The following MAGI1 variants were observed in gnomAD, a reference collection of about 807,000 sequenced individuals.
MAGI1 encodes membrane associated guanylate kinase, WW and PDZ domain containing 1.
In MAGI1, 58 loss-of-function variants were observed where a neutral mutation model predicts 139.9. The ratio of observed to expected loss-of-function variants is 0.41; its 90% CI spans 0.34 to 0.52. The LOEUF is 0.52. MAGI1 is among the 20% of genes least tolerant of loss of function. The pLI, the probability that MAGI1 is intolerant of heterozygous loss-of-function variation, is 0.12. For synonymous variants in MAGI1, 812 were observed against 737.9 expected (o/e 1.10, Z -1.63); for missense variants, 1,874 against 1,901.6 (o/e 0.99, Z 0.27).
intron 3 of MAGI1, among the ~76,000 whole-genome samples, chr3:65,486,386 C>T (rs79623159): frequency 0.011 from 1,741 of 152,284 alleles, 34 homozygotes; most frequent in African/African-American, 0.039. Context: ...CCCCACCCTC[C>T]ACTGAATAGT....
chr3:65,901,100 A>G (rs2108622028), intron 1 of MAGI1, among the ~76,000 whole-genome samples: 1 of 152,350 alleles, frequency 6.6e-6, no homozygotes, highest in East Asian at 1.9e-4. Context: ...AGATACCCTT[A>G]CAGTAAACAT....
At chr3:65,733,160 G>C (rs193122496) in intron 1 of MAGI1, among the ~76,000 whole-genome samples, 5 of 152,264 alleles carry the variant, frequency 3.3e-5, no homozygotes, top group Admixed American at 6.5e-5. Flanking sequence ...CTGGGTTCAA[G>C]CAATTCTCCT....
At chr3:65,575,109 G>A (rs2081124878) in intron 2 of MAGI1, among the ~76,000 whole-genome samples, 1 of 152,026 alleles carries the variant, frequency 6.6e-6, no homozygotes. Context: ...ACACTGTTAA[G>A]AGGATGAAAA....
chr3:65,863,458 T>C (rs1337380861), intron 1 of MAGI1, among the ~76,000 whole-genome samples: 3 of 152,152 alleles, frequency 2.0e-5, no homozygotes, highest in Non-Finnish European at 4.4e-5. Flanking sequence ...CATAAAGAAA[T>C]AAGGGCACAT....
intron 2 of MAGI1, among the ~76,000 whole-genome samples, chr3:65,600,018 G>A (rs562313606): frequency 1.3e-5 from 2 of 152,142 alleles, no homozygotes; most frequent in Non-Finnish European, 1.5e-5. Flanking sequence ...TAATACATAC[G>A]AGCATTTACA....
chr3:65,451,221 G>A (rs1165999013), intron 6 of MAGI1, among the ~76,000 whole-genome samples: 2 of 152,050 alleles, frequency 1.3e-5, no homozygotes, highest in African/African-American at 4.8e-5. Context: ...CTCAGTAAAA[G>A]CTATTGCAGT....
At chr3:66,001,857 A>G (rs1352149370) in intron 1 of MAGI1, among the ~76,000 whole-genome samples, 6 of 152,346 alleles carry the variant, frequency 3.9e-5, no homozygotes, top group African/African-American at 1.4e-4. Context: ...AAGCCTTTAG[A>G]AAAACACGGA....
chr3:66,007,670 T>C (rs2067097253), intron 1 of MAGI1, among the ~76,000 whole-genome samples: 1 of 152,224 alleles, frequency 6.6e-6, no homozygotes, highest in Non-Finnish European at 1.5e-5. Flanking sequence ...TCAAGGGAAC[T>C]GGTAGCAGTA....
At chr3:65,532,614 A>C (rs1003071285) in intron 2 of MAGI1, 1 of 152,214 alleles carries the variant, frequency 6.6e-6, no homozygotes, top group Admixed American at 6.5e-5. Flanking sequence ...ACAGCAGCCC[A>C]AGCTTGGAGC....
At chr3:65,652,543 C>A (rs778335065) in intron 1 of MAGI1, among the ~76,000 whole-genome samples, 1 of 152,092 alleles carries the variant, frequency 6.6e-6, no homozygotes, top group African/African-American at 2.4e-5. Context: ...TCAAATGTCT[C>A]CTGGAAAATA....
At chr3:65,500,199 C>T (rs752455346) in intron 2 of MAGI1, among the ~76,000 whole-genome samples, 1 of 152,018 alleles carries the variant, frequency 6.6e-6, no homozygotes, top group Non-Finnish European at 1.5e-5. Flanking sequence ...CTATTTTTTC[C>T]ACTTGATTTT....
chr3:65,502,959 A>G (rs185007671), intron 2 of MAGI1, among the ~76,000 whole-genome samples: 1 of 152,284 alleles, frequency 6.6e-6, no homozygotes, highest in Admixed American at 6.5e-5. Flanking sequence ...GTAAAAATCC[A>G]TGATACAGGT....
intron 13 of MAGI1, 67 bp downstream of exon 13, chr3:65,401,372 T>TACCCCCC: frequency 1.3e-6 from 1 of 778,312 alleles, no homozygotes; most frequent in East Asian, 3.3e-5. Flanking sequence ...CAGAGTACCC[T>TACCCCCC]CCCACCTCCA....
chr3:65,609,108 G>A (rs1038500707), intron 2 of MAGI1, among the ~76,000 whole-genome samples: 1 of 152,136 alleles, frequency 6.6e-6, no homozygotes. Flanking sequence ...TCAATAAGAG[G>A]AGACACAAGG....
At chr3:65,994,618 G>A (rs1056249439) in intron 1 of MAGI1, among the ~76,000 whole-genome samples, 3 of 152,186 alleles carry the variant, frequency 2.0e-5, no homozygotes, top group African/African-American at 7.2e-5. Flanking sequence ...ATGTGAACAG[G>A]GAATGCAGTA....
At chr3:65,551,381 G>A (rs1047702387) in intron 2 of MAGI1, among the ~76,000 whole-genome samples, 4 of 152,122 alleles carry the variant, frequency 2.6e-5, no homozygotes, top group African/African-American at 9.7e-5. Flanking sequence ...GCTCACTGTA[G>A]CCTCTGCCTC....
At chr3:65,377,289 T>C (rs1942628894) in intron 17 of MAGI1, among the ~76,000 whole-genome samples, 1 of 152,212 alleles carries the variant, frequency 6.6e-6, no homozygotes, top group South Asian at 2.1e-4. Context: ...AATGCTCCCA[T>C]ACTCAAATTC....
chr3:65,700,149 A>T (rs1471845848), intron 1 of MAGI1, among the ~76,000 whole-genome samples: 1 of 152,194 alleles, frequency 6.6e-6, no homozygotes, highest in Non-Finnish European at 1.5e-5. Context: ...TAGCCTCTAA[A>T]GAATCAATAG....
chr3:65,831,443 G>C (rs1048589698), intron 1 of MAGI1, among the ~76,000 whole-genome samples: 2 of 152,206 alleles, frequency 1.3e-5, no homozygotes, highest in Non-Finnish European at 2.9e-5. Context: ...AGCATGTGAA[G>C]AGCAGAAGTA....
Sources: gnomAD v4.1 joint callset for allele counts (sites outside exome capture counted in the v4.1 genomes callset) on GRCh38, gnomAD v4.1.1 for gene constraint, MANE v1.5 for transcripts, NCBI Gene and HGNC (gene_info 2026-07-23, HGNC 2026-07-21) for gene names.